SVEP1: variants seen among roughly 807,000 people sequenced by gnomAD.
The protein encoded by SVEP1 is sushi, von Willebrand factor type A, EGF and pentraxin domain containing 1.
In SVEP1, 164 loss-of-function variants were observed where a neutral mutation model predicts 367.3. The ratio of observed to expected loss-of-function variants is 0.45; its 90% CI spans 0.39 to 0.51. The LOEUF (loss-of-function observed/expected upper bound fraction) is 0.51, where lower values mean the gene tolerates loss of function less well. Ranked by LOEUF, SVEP1 falls within the 20% of genes least tolerant of loss-of-function variation. The pLI, the probability that SVEP1 is intolerant of heterozygous loss-of-function variation, is 0.00. For synonymous variants in SVEP1, 1,666 were observed against 1,611.6 expected (o/e 1.03, Z -0.81); for missense variants, 4,117 against 4,425.3 (o/e 0.93, Z 1.98).
intron 13 of SVEP1, among the ~76,000 whole-genome samples, chr9:110,478,709 T>A (rs916292129): frequency 4.6e-5 from 7 of 152,214 alleles, no homozygotes; most frequent in Admixed American, 2.0e-4. Context: ...GATTTAAATA[T>A]AACGTTTTTA....
chr9:110,481,265 G>C lies in SVEP1; in HGVS notation c.2342C>G (p.Thr781Ser). The C allele has an allele frequency of 6.3e-7, 1 of 1,598,410 alleles. No homozygotes were observed. Among genetic ancestry groups the C allele is most frequent in the Non-Finnish European group, 8.5e-7 (1 of 1,171,802 alleles). The part of the protein sequence containing the change: ...YEDGVWKPTY[T>S]TEWPDCAKKR... Reference sequence around the variant, plus strand: ...ACTGGCACAGTCTGGCCATTCAGTGGTATATGTTGGTTTCCAGACGCCATC... The same window carrying C: ...ACTGGCACAGTCTGGCCATTCAGTGCTATATGTTGGTTTCCAGACGCCATC... The change falls in exon 12 of 48, where the codon ACC becomes AGC. Residue 781 changes from threonine (T) to serine (S), a missense_variant. Around this residue, in one of 4 missense-constraint regions of SVEP1, gnomAD observed 2,174 missense variants for 2,494.3 expected, o/e 0.87. Transcript: ENST00000374469.
In SVEP1 at chr9:110,376,558, A is replaced by G. The variant is rs564304975; in HGVS notation, c.10504+713T>C. ...ACTTAAAACATTTTAGTCTCTTATA[A>G]AATTCCTGCCCTGTAGGAAAAACTG... On this transcript the variant is annotated intron_variant, in intron 45 of 47. Transcript: ENST00000374469. Among the ~76,000 whole-genome samples, 69 of 152,346 alleles carry G rather than the reference A, an allele frequency of 4.5e-4. 2 individuals carry two copies. The South Asian group carries it at 0.014, about 31-fold the overall frequency.
chr9:110,516,864 C>A (rs1829810763), intron 3 of SVEP1, among the ~76,000 whole-genome samples: 1 of 152,058 alleles, frequency 6.6e-6, no homozygotes, highest in South Asian at 2.1e-4. Flanking sequence ...TATTCCTAAC[C>A]TGGAGCTTTA....
intron 36 of SVEP1, among the ~76,000 whole-genome samples, chr9:110,425,009 T>C (rs1780847361): frequency 6.6e-6 from 1 of 151,996 alleles, no homozygotes; most frequent in Non-Finnish European, 1.5e-5. Flanking sequence ...AAATGTTTTG[T>C]TAAAAATTTG....
intron 44 of SVEP1, among the ~76,000 whole-genome samples, chr9:110,377,909 C>A (rs1241379156): frequency 2.3e-5 from 3 of 132,098 alleles, no homozygotes; most frequent in Non-Finnish European, 5.0e-5. Flanking sequence ...ACCATCTACT[C>A]TCTGCTTCTA....
intron 20 of SVEP1, 135 bp from the exon 21 acceptor site, chr9:110,457,487 G>T (rs1828793502): frequency 3.0e-6 from 2 of 673,916 alleles, no homozygotes; most frequent in Non-Finnish European, 5.2e-6. Context: ...AAGCTAGGTG[G>T]CTTGCTGCCT....
At chr9:110,424,520 G>C (rs1828223939) in intron 36 of SVEP1, among the ~76,000 whole-genome samples, 1 of 152,186 alleles carries the variant, frequency 6.6e-6, no homozygotes, top group Admixed American at 6.5e-5. Flanking sequence ...GCATAGATGA[G>C]TGATGAGAAT....
At chr9:110,449,994 G>A (rs1202641614) in intron 24 of SVEP1, 65 bp downstream of exon 24, 1 of 1,556,194 alleles carries the variant, frequency 6.4e-7, no homozygotes, top group African/African-American at 1.4e-5. Flanking sequence ...CTCCATAAAG[G>A]CTGCAGAATC....
At chr9:110,572,789 CAAAAAAA>C (rs56077443) in intron 1 of SVEP1, among the ~76,000 whole-genome samples, 4,184 of 76,436 alleles carry the variant, frequency 0.055, 95 homozygotes, top group Non-Finnish European at 0.071. Context: ...CTCTCTCTCA[CAAAAAAA>C]AAAAAAAAAA....
chr9:110,530,397 C>T (rs914830741), intron 3 of SVEP1, among the ~76,000 whole-genome samples: 2 of 152,084 alleles, frequency 1.3e-5, no homozygotes, highest in Non-Finnish European at 2.9e-5. Context: ...TCATGACTAC[C>T]CATTGCTTTA....
intron 16 of SVEP1, among the ~76,000 whole-genome samples, chr9:110,470,039 G>A (rs1209537616): frequency 1.3e-5 from 2 of 152,164 alleles, no homozygotes; most frequent in Non-Finnish European, 2.9e-5. Flanking sequence ...ATGGAGAGAT[G>A]AACGTAAGAT....
intron 46 of SVEP1, among the ~76,000 whole-genome samples, chr9:110,372,352 G>T (rs1418816499): frequency 6.6e-6 from 1 of 152,132 alleles, no homozygotes; most frequent in Non-Finnish European, 1.5e-5. Flanking sequence ...TTCCTAGATT[G>T]AAATTCTGGA....
In SVEP1 at chr9:110,475,539, C is replaced by CTTT. The variant is rs59063882; in HGVS notation, c.2599+662_2599+664dup. 1.1e-3 allele frequency among the ~76,000 whole-genome samples: 166 copies of CTTT among 144,390 alleles called. 1 individual carries two copies. The highest frequency in any genetic ancestry group is 4.4e-3 in the Admixed American group (64 of 14,440). The allele number at this position is 144,390 out of a possible 152,430, so 94.7% of individuals were successfully genotyped here. On this transcript the variant is annotated intron_variant, in intron 14 of 47. Transcript: ENST00000374469. The stretch of plus-strand genomic sequence containing the variant: ...ATAACAATATCATTATTATTATTAT[C>CTTT]TTTTTTTTTTTTTTGATACAAAGTC...
At chr9:110,384,624 A>T (rs1827492037) in intron 43 of SVEP1, among the ~76,000 whole-genome samples, 1 of 150,814 alleles carries the variant, frequency 6.6e-6, no homozygotes, top group African/African-American at 2.4e-5. Flanking sequence ...TAAGAAATCT[A>T]TAATAACTAC....
At chr9:110,463,331 A>G (rs1326364694) in intron 18 of SVEP1, among the ~76,000 whole-genome samples, 4 of 152,160 alleles carry the variant, frequency 2.6e-5, no homozygotes, top group African/African-American at 9.6e-5. Context: ...AAGAATATGT[A>G]ATAACCTAAC....
chr9:110,560,076 G>A (rs1340241798), intron 1 of SVEP1, among the ~76,000 whole-genome samples: 1 of 152,100 alleles, frequency 6.6e-6, no homozygotes. Flanking sequence ...GTCAATGACA[G>A]ACCACATATA....
At chr9:110,460,269 G>A (rs1477850266) in intron 18 of SVEP1, among the ~76,000 whole-genome samples, 8 of 151,990 alleles carry the variant, frequency 5.3e-5, no homozygotes, top group African/African-American at 1.9e-4. Context: ...AATTTACGTT[G>A]CATAACTAAT....
chr9:110,416,649 A>T (rs1326105172), intron 36 of SVEP1, among the ~76,000 whole-genome samples: 1 of 152,076 alleles, frequency 6.6e-6, no homozygotes, highest in African/African-American at 2.4e-5. Flanking sequence ...AAATTCTCAG[A>T]TGTAAGAAGT....
At position 110,404,688 on chromosome 9, in the gene SVEP1, T is replaced by C. The variant is rs73655341; in HGVS notation, c.9441-136A>G. ...TATTGATTGTTGCACAATCAATATG[T>C]CAGGCGGATGGCATTGCCATGCAAA... On this transcript the variant is annotated intron_variant, in intron 38 of 47. Coordinates refer to ENST00000374469, the MANE Select transcript of SVEP1 (RefSeq NM_153366.4). The C allele has an allele frequency of 7.1e-3, 5,747 of 811,590 alleles. 221 individuals are homozygous for C. In the African/African-American group the frequency reaches 0.085, roughly 12 times the overall value. The allele number at this position is 811,590 out of a possible 1,614,324, so 50.3% of individuals were successfully genotyped here. A position where few individuals can be genotyped will look rare whatever the true frequency, so the allele number is the denominator to read the frequency against.
Sources: gnomAD v4.1 joint callset for allele counts (sites outside exome capture counted in the v4.1 genomes callset) on GRCh38, gnomAD v4.1.1 for gene constraint, gnomAD v4.1.1 regional missense constraint, MANE v1.5 for transcripts, NCBI Gene and HGNC (gene_info 2026-07-23, HGNC 2026-07-21) for gene names.